The following GALNT1 variants were observed in gnomAD, a reference collection of about 807,000 sequenced individuals.
GALNT1 encodes the protein GalNAc transferase 1.
Under a neutral mutation model 65.7 loss-of-function variants are expected in GALNT1, and 17 were observed. The ratio of observed to expected loss-of-function variants is 0.26; its 90% CI spans 0.18 to 0.39. The LOEUF (loss-of-function observed/expected upper bound fraction) is 0.39, where lower values mean the gene tolerates loss of function less well. GALNT1 is among the 10% of genes least tolerant of loss of function. The probability of loss-of-function intolerance (pLI) is 1.00; values close to 1 mark genes in which losing one functional copy is unlikely to be tolerated. For synonymous variants in GALNT1, 210 were observed against 219.7 expected, an observed-to-expected ratio of 0.96 and a Z score of 0.39; for missense variants, 460 against 672.8, an observed-to-expected ratio of 0.68 and a Z score of 3.50.
chr18:35,645,120 A>G (rs2047212755), intron 1 of GALNT1, among the ~76,000 whole-genome samples: 1 of 151,436 alleles, frequency 6.6e-6, no homozygotes, highest in African/African-American at 2.4e-5. Flanking sequence ...TCATTTTCTC[A>G]TCTATTCATT....
At chr18:35,688,201 A>G (rs1053519560) in intron 6 of GALNT1, among the ~76,000 whole-genome samples, 1 of 152,336 alleles carries the variant, frequency 6.6e-6, no homozygotes, top group Admixed American at 6.5e-5. Context: ...AAAACCCTGT[A>G]TTAAATGATA....
At chr18:35,682,668 C>G (rs1375121883) in intron 4 of GALNT1, among the ~76,000 whole-genome samples, 1 of 152,058 alleles carries the variant, frequency 6.6e-6, no homozygotes, top group African/African-American at 2.4e-5. Flanking sequence ...ATATGCTTGC[C>G]TGTGTCCTGA....
intron 7 of GALNT1, among the ~76,000 whole-genome samples, chr18:35,690,321 CA>C (rs1348006753): frequency 6.6e-6 from 1 of 152,040 alleles, no homozygotes. Context: ...GTTTCATGTA[CA>C]AGCCGTGACG....
chr18:35,651,813 T>A (rs2047315369), intron 1 of GALNT1, among the ~76,000 whole-genome samples: 2 of 152,248 alleles, frequency 1.3e-5, no homozygotes, highest in African/African-American at 4.8e-5. Flanking sequence ...AAGTAATAAT[T>A]ATTTAATTAC....
At chr18:35,605,484 C>T (rs1243465142) in intron 1 of GALNT1, among the ~76,000 whole-genome samples, 1 of 147,920 alleles carries the variant, frequency 6.8e-6, no homozygotes, top group Non-Finnish European at 1.5e-5. Flanking sequence ...GGCCCAGACT[C>T]TGTCTCAAAA....
chr18:35,673,199 A>C (rs902210234), intron 3 of GALNT1, among the ~76,000 whole-genome samples: 1 of 152,196 alleles, frequency 6.6e-6, no homozygotes, highest in East Asian at 1.9e-4. Flanking sequence ...TTAATGGGAG[A>C]AAAAGAATAC....
At chr18:35,601,713 A>G (rs978997872) in intron 1 of GALNT1, among the ~76,000 whole-genome samples, 3 of 152,168 alleles carry the variant, frequency 2.0e-5, no homozygotes, top group Non-Finnish European at 4.4e-5. Flanking sequence ...GGCCTGCCAG[A>G]TGGTCTGTCC....
rs144261801 is a variant in GALNT1 at position 35,590,362 on chromosome 18, A to T, written c.-104+8500A>T. 2.9e-3 allele frequency among the ~76,000 whole-genome samples: 435 copies of T among 152,332 alleles called. 1 individual carries two copies. Among genetic ancestry groups the T allele is most frequent in the African/African-American group, 9.7e-3 (403 of 41,570 alleles). On this transcript the variant is annotated intron_variant, in intron 1 of 11. Coordinates refer to ENST00000269195, the MANE Select transcript of GALNT1 (RefSeq NM_020474.4). ...TATGACTTCTAATGTTAGAGAACATATGATTGATTTTGATTCTGTAAAGAT... is the reference window on the plus strand; with the variant it reads ...TATGACTTCTAATGTTAGAGAACATTTGATTGATTTTGATTCTGTAAAGAT...
chr18:35,671,774 A>G (rs753687704), intron 3 of GALNT1, among the ~76,000 whole-genome samples: 7 of 152,182 alleles, frequency 4.6e-5, no homozygotes, highest in Non-Finnish European at 1.0e-4. Flanking sequence ...ACCTAGGTAT[A>G]TTGTAATTGT....
chr18:35,661,535 A>C (rs570528294), intron 2 of GALNT1, among the ~76,000 whole-genome samples: 1 of 151,820 alleles, frequency 6.6e-6, no homozygotes, highest in African/African-American at 2.4e-5. Context: ...TTAAACTCTC[A>C]TGTATCCATC....
rs765730172 is a variant in GALNT1, at chr18:35,654,820, T to C, written c.139+19T>C. The C allele has an allele frequency of 1.3e-6, 2 of 1,523,468 alleles. No individual in the cohort carries two copies. Among genetic ancestry groups the C allele is most frequent in the Non-Finnish European group, 8.8e-7 (1 of 1,131,008 alleles). The allele number at this position is 1,523,468 out of a possible 1,614,324, so 94.4% of individuals were successfully genotyped here. A position where few individuals can be genotyped will look rare whatever the true frequency, so the allele number is the denominator to read the frequency against. On this transcript the variant is annotated intron_variant, in intron 2 of 11. Coordinates refer to ENST00000269195, the MANE Select transcript of GALNT1 (RefSeq NM_020474.4). ...GGAGATGGTGAGTGACATTTTATAATAGAGCTGTTTTAACTACTATATCAC... is the reference window on the plus strand; with the variant it reads ...GGAGATGGTGAGTGACATTTTATAACAGAGCTGTTTTAACTACTATATCAC...
chr18:35,616,754 TC>T (rs2046788981), intron 1 of GALNT1, among the ~76,000 whole-genome samples: 1 of 152,150 alleles, frequency 6.6e-6, no homozygotes, highest in African/African-American at 2.4e-5. Flanking sequence ...CGTCTCAGAC[TC>T]CTTTTTCAGA....
chr18:35,695,377 G>C (rs2048039352), intron 9 of GALNT1, among the ~76,000 whole-genome samples: 1 of 152,178 alleles, frequency 6.6e-6, no homozygotes, highest in Non-Finnish European at 1.5e-5. Context: ...CTGGCAGTTT[G>C]TGGTGGAAGT....
chr18:35,689,603 C>A (rs1240399627), intron 7 of GALNT1, among the ~76,000 whole-genome samples: 4 of 152,056 alleles, frequency 2.6e-5, no homozygotes, highest in Non-Finnish European at 5.9e-5. Flanking sequence ...TGCTACTTTG[C>A]TGCTTTACTC....
rs2047507073 is a variant in GALNT1 at position 35,663,651 on chromosome 18, C to G, written c.163C>G (p.His55Asp). Reference sequence around the variant, plus strand: ...AGTTCTAGAGCCAGTACAAAAGCCTCATGAAGGTCCTGGAGAAATGGGGAA... The same window carrying G: ...AGTTCTAGAGCCAGTACAAAAGCCTGATGAAGGTCCTGGAGAAATGGGGAA... ...GDVLEPVQKPHEGPGEMGKPV... is the reference protein window; with the variant it reads ...GDVLEPVQKPDEGPGEMGKPV... Residue 55 changes from histidine to aspartate, a missense_variant, in exon 3 of 12, where the codon CAT becomes GAT. His to Asp is a moderately conservative substitution (Grantham distance 81, BLOSUM62 -1). Transcript: ENST00000269195. 6.2e-7 allele frequency: 1 copy of G among 1,613,470 alleles called. No individual in the cohort carries two copies. Among genetic ancestry groups the G allele is most frequent in the Non-Finnish European group, 8.5e-7 (1 of 1,179,794 alleles).
At chr18:35,606,701 C>G (rs1392174716) in intron 1 of GALNT1, among the ~76,000 whole-genome samples, 2 of 151,996 alleles carry the variant, frequency 1.3e-5, no homozygotes, top group African/African-American at 4.8e-5. Flanking sequence ...CATCACTGTC[C>G]CTCTTCCTTT....
Position 35,672,383 on chromosome 18 carries a change from T to C in GALNT1, c.315-5208T>C, listed in dbSNP as rs117594307. Among the ~76,000 whole-genome samples, 1,436 of 152,356 alleles carry C rather than the reference T, an allele frequency of 9.4e-3. 15 individuals carry two copies. The highest frequency in any genetic ancestry group is 0.016 in the Non-Finnish European group (1,062 of 68,042). ...CCAAGTGGTAAATATTAGATGGTAT[T>C]TTCTTCAGCCTCAGCTATGCTGGAC... On this transcript the variant is annotated intron_variant, in intron 3 of 11. Transcript: ENST00000269195.
chr18:35,678,405 A>C (rs1568030689), intron 4 of GALNT1, among the ~76,000 whole-genome samples: 1 of 152,174 alleles, frequency 6.6e-6, no homozygotes, highest in South Asian at 2.1e-4. Context: ...AAACTATTTC[A>C]TGAAATACTC....
chr18:35,600,037 T>A (rs1029635037), intron 1 of GALNT1, among the ~76,000 whole-genome samples: 2 of 152,136 alleles, frequency 1.3e-5, no homozygotes, highest in Non-Finnish European at 2.9e-5. Flanking sequence ...TTTAGGATCG[T>A]CTTTTCTATT....
Sources: allele counts gnomAD v4.1 joint callset (sites outside exome capture counted in the v4.1 genomes callset), GRCh38; gene constraint gnomAD v4.1.1; transcripts MANE v1.5; gene names NCBI Gene and HGNC (gene_info 2026-07-23, HGNC 2026-07-21).